Variants in PPP2R1B observed in about 807,000 individuals in gnomAD.
PPP2R1B encodes serine/threonine-protein phosphatase 2A 65 kDa regulatory subunit A beta isoform.
In PPP2R1B, 58 loss-of-function variants were observed where a neutral mutation model predicts 72.7. That is an observed-to-expected ratio of 0.80 (90% CI 0.65 to 0.99). The LOEUF (loss-of-function observed/expected upper bound fraction) is 0.99. Ranked by LOEUF, PPP2R1B falls within the 50% of genes least tolerant of loss-of-function variation. The pLI is 0.00. For missense variants in PPP2R1B, 695 were observed against 733.6 expected, an observed-to-expected ratio of 0.95 and a Z score of 0.61; for synonymous variants, 256 against 264.6, an observed-to-expected ratio of 0.97 and a Z score of 0.32.
chr11:111,740,575 TC>T lies in PPP2R1B; in HGVS notation c.*1020del, dbSNP rs1944484933. The T allele has an allele frequency of 1.2e-5, 12 of 984,754 alleles. No homozygotes were observed. In the South Asian group the frequency reaches 4.2e-4, roughly 35 times the overall value. The allele number at this position is 984,754 out of a possible 1,614,324, so 61.0% of individuals were successfully genotyped here. ...TCAGCTTAACTCATTATCTTAAATT[TC>T]AGAATTAATGAGGTTTTACTGTAAA... On this transcript the variant is annotated 3_prime_UTR_variant, in exon 15 of 15. Transcript: ENST00000527614.
chr11:111,715,793 CTTTTT>C, the PPP2R1B span, among the ~76,000 whole-genome samples: 4 of 81,580 alleles, frequency 4.9e-5, no homozygotes, highest in African/African-American at 2.0e-4. Flanking sequence ...TCATTTTTAG[CTTTTT>C]TTTTTTTTTT....
chr11:111,754,761 G>A (rs1305091522), intron 7 of PPP2R1B, among the ~76,000 whole-genome samples, 192 bp from the exon 8 acceptor site: 1 of 151,816 alleles, frequency 6.6e-6, no homozygotes. Context: ...AATCCAACCT[G>A]AAAGGCATTT....
Position 111,761,019 on chromosome 11 carries a change from C to T in PPP2R1B, c.339G>A (p.Glu113=), listed in dbSNP as rs782732542. ...PPLENLATVE[E]TVVRDKAVES... is the part of the protein sequence containing the mutation. The stretch of plus-strand genomic sequence containing the variant: ...CCACAGCCTTGTCACGAACAACAGT[C>T]TCTTCCACAGTTGCCAGATTTTCCA... The change falls in exon 4 of 15, where the codon GAG becomes GAA. Residue 113 remains glutamate, a synonymous_variant. Coordinates refer to ENST00000527614, the MANE Select transcript of PPP2R1B (RefSeq NM_002716.5). 1 of 1,614,178 alleles carries T rather than the reference C, an allele frequency of 6.2e-7. No homozygotes were observed. Among genetic ancestry groups the T allele is most frequent in the Admixed American group, 1.7e-5 (1 of 60,028 alleles).
In PPP2R1B at chr11:111,742,089, T is replaced by C. The variant is rs201636295; in HGVS notation, c.1753A>G (p.Met585Val). The C allele has an allele frequency of 8.1e-6, 13 of 1,613,980 alleles. No individual in the cohort carries two copies. Residue 585 changes from methionine to valine, a missense_variant, in exon 14 of 15, where the codon ATG becomes GTG. Coordinates refer to ENST00000527614, the MANE Select transcript of PPP2R1B (RefSeq NM_002716.5). ...VLQKLGQDED[M>V]DVKYFAQEAI... is the part of the protein sequence containing the mutation. Reference sequence around the variant, plus strand: ...TCCTGTGCAAAGTATTTGACATCCATGTCTTCATCTTGACCTAACTTCTGT... The same window carrying C: ...TCCTGTGCAAAGTATTTGACATCCACGTCTTCATCTTGACCTAACTTCTGT...
At chr11:111,705,207 T>A in the PPP2R1B span, 1 of 1,431,768 alleles carries the variant, frequency 7.0e-7, no homozygotes, top group Non-Finnish European at 9.1e-7. This position sits in a 1 kb window ranked among gnomAD's most constrained non-coding sequence, Gnocchi z 4.3. Flanking sequence ...ACATTTTTCA[T>A]CTTATACACA....
At chr11:111,763,484 C>G (rs1038245558) in intron 3 of PPP2R1B, among the ~76,000 whole-genome samples, 1 of 152,186 alleles carries the variant, frequency 6.6e-6, no homozygotes, top group East Asian at 1.9e-4. Context: ...GGGTGAGAGG[C>G]AAGAGTGGAA....
the PPP2R1B span, among the ~76,000 whole-genome samples, chr11:111,713,280 T>G: frequency 6.6e-6 from 1 of 152,240 alleles, no homozygotes. Context: ...TTCCAATGTG[T>G]ATTATATATA....
the PPP2R1B span, chr11:111,719,845 A>G: frequency 6.2e-7 from 1 of 1,614,144 alleles, no homozygotes; most frequent in Non-Finnish European, 8.5e-7. Flanking sequence ...CTGCCCAGCA[A>G]CATGATGGAG....
chr11:111,721,111 G>A, the PPP2R1B span: 9 of 1,559,834 alleles, frequency 5.8e-6, no homozygotes, highest in South Asian at 1.2e-5. Context: ...GATGAGGTGT[G>A]AGTTTGTCCT....
chr11:111,691,928 A>G, the PPP2R1B span, among the ~76,000 whole-genome samples: 4 of 152,204 alleles, frequency 2.6e-5, no homozygotes, highest in African/African-American at 7.2e-5. Flanking sequence ...CAAAAAGATC[A>G]TTGTTTTCAG....
chr11:111,748,046 T>C (rs1555046824), intron 10 of PPP2R1B, 32 bp from the exon 11 acceptor site: 1 of 1,587,424 alleles, frequency 6.3e-7, no homozygotes. Context: ...TTAACATACA[T>C]TGCCAAAATT....
downstream of PPP2R1B, chr11:111,737,793 G>A: frequency 7.6e-7 from 1 of 1,307,938 alleles, no homozygotes; most frequent in Non-Finnish European, 1.0e-6. Context: ...ACCCCATCGG[G>A]CCTTTTGGTG....
intron 11 of PPP2R1B, 23 bp from the exon 12 acceptor site, chr11:111,743,553 G>A: frequency 6.3e-7 from 1 of 1,587,708 alleles, no homozygotes; most frequent in Non-Finnish European, 8.5e-7. Context: ...TCAAAAACAT[G>A]TTCTCATATC....
In PPP2R1B at chr11:111,760,827, T is replaced by C; in HGVS notation, c.531A>G (p.Glu177=). 1 of 1,613,956 alleles carries C rather than the reference T, an allele frequency of 6.2e-7. No individual in the cohort carries two copies. The highest frequency in any genetic ancestry group is 8.5e-7 in the Non-Finnish European group (1 of 1,179,902). Residue 177 remains glutamate (E), a synonymous_variant, in exon 4 of 15, where the codon GAA becomes GAG. Transcript: ENST00000527614. ...YPRASNAVKA[E]IRQQFRSLCS... is the part of the protein sequence containing the mutation. ...AAAATACCATGGCTTACTGTCTGATTTCTGCTTTAACAGCATTTGATGCCC... is the reference window on the plus strand; with the variant it reads ...AAAATACCATGGCTTACTGTCTGATCTCTGCTTTAACAGCATTTGATGCCC...
chr11:111,744,712 C>T (rs1944643388), intron 11 of PPP2R1B, among the ~76,000 whole-genome samples: 1 of 152,188 alleles, frequency 6.6e-6, no homozygotes, highest in African/African-American at 2.4e-5. Flanking sequence ...ATCCAAGCCA[C>T]AGTCCCAGTC....
chr11:111,698,459 A>G, the PPP2R1B span, among the ~76,000 whole-genome samples: 35 of 152,216 alleles, frequency 2.3e-4, no homozygotes, highest in Admixed American at 9.2e-4. Context: ...AAACTTACCA[A>G]TGGGCCAGGT....
At chr11:111,744,863 A>G (rs957564759) in intron 11 of PPP2R1B, among the ~76,000 whole-genome samples, 22 of 152,196 alleles carry the variant, frequency 1.4e-4, no homozygotes. Flanking sequence ...TTAAACTGAC[A>G]GTCTACAGGA....
the PPP2R1B span, among the ~76,000 whole-genome samples, chr11:111,708,880 C>G: frequency 6.6e-6 from 1 of 152,150 alleles, no homozygotes; most frequent in South Asian, 2.1e-4. Flanking sequence ...TGATGAAGGT[C>G]ACACAATTAG....
At chr11:111,758,112 G>C (rs1011324356) in intron 5 of PPP2R1B, among the ~76,000 whole-genome samples, 5 of 152,066 alleles carry the variant, frequency 3.3e-5, no homozygotes, top group African/African-American at 1.2e-4. Flanking sequence ...AATGTGGCTG[G>C]TACACGTTAT....
Sources: gnomAD v4.1 joint callset for allele counts (sites outside exome capture counted in the v4.1 genomes callset) on GRCh38, gnomAD v4.1.1 for gene constraint, Gnocchi (gnomAD v3.1) non-coding constraint, MANE v1.5 for transcripts, NCBI Gene and HGNC (gene_info 2026-07-23, HGNC 2026-07-21) for gene names.